RARB: variants seen among roughly 807,000 people sequenced by gnomAD.
RARB encodes the protein HBV-activated protein.
Under a neutral mutation model 51.9 loss-of-function variants are expected in RARB, and 17 were observed. That is an observed-to-expected ratio of 0.33 (90% CI 0.22 to 0.49). The LOEUF is 0.49. Ranked by LOEUF, RARB falls within the 20% of genes least tolerant of loss-of-function variation. The pLI is 0.99. For missense variants in RARB, 369 were observed against 550.8 expected (o/e 0.67, Z 3.30); for synonymous variants, 215 against 195.4 (o/e 1.10, Z -0.84).
At chr3:25,040,138 G>GA (rs1559444134) in intron 2 of RARB, among the ~76,000 whole-genome samples, 1 of 152,154 alleles carries the variant, frequency 6.6e-6, no homozygotes, top group Non-Finnish European at 1.5e-5. Flanking sequence ...TGGGAGCAGT[G>GA]AAAAAAATTC....
At chr3:25,027,177 G>T (rs1697767001) in intron 2 of RARB, among the ~76,000 whole-genome samples, 2 of 152,170 alleles carry the variant, frequency 1.3e-5, no homozygotes, top group African/African-American at 4.8e-5. Context: ...TATATTGGCT[G>T]TAATAAGTGA....
At chr3:25,334,460 A>G (rs941335655) in intron 5 of RARB, among the ~76,000 whole-genome samples, 1 of 152,114 alleles carries the variant, frequency 6.6e-6, no homozygotes, top group Non-Finnish European at 1.5e-5. Context: ...GTTCTCACTC[A>G]TAGGTGGGAA....
chr3:25,372,639 A>C (rs1706334585), intron 5 of RARB, among the ~76,000 whole-genome samples: 1 of 152,180 alleles, frequency 6.6e-6, no homozygotes, highest in South Asian at 2.1e-4. Context: ...CTAGGCAAAC[A>C]TAATGAGACC....
rs548764652 is a variant in RARB, at chr3:24,973,067, A to G, written c.-379-87058A>G. ...AGCTTTGCCCAGACCAACGTCCTGAAGCATTTCCCCAAAAGTTTCTTCTAG... is the reference window on the plus strand; with the variant it reads ...AGCTTTGCCCAGACCAACGTCCTGAGGCATTTCCCCAAAAGTTTCTTCTAG... On this transcript the variant is annotated intron_variant, in intron 2 of 11. Transcript: ENST00000383772. Among the ~76,000 whole-genome samples, 24 of 152,190 alleles carry G rather than the reference A, an allele frequency of 1.6e-4. No homozygotes were observed. In the South Asian group the frequency reaches 4.6e-3, roughly 29 times the overall value.
At chr3:25,442,694 T>C (rs796747500) in intron 1 of RARB, among the ~76,000 whole-genome samples, 2 of 152,304 alleles carry the variant, frequency 1.3e-5, no homozygotes, top group South Asian at 4.2e-4. Flanking sequence ...TTTCAGTCAT[T>C]GTTTAACTCC....
In RARB at chr3:25,056,600, T is replaced by C. The variant is rs1603975; in HGVS notation, c.-379-3525T>C. On this transcript the variant is annotated intron_variant, in intron 2 of 11. Transcript: ENST00000383772. ...CTCTGTCCCAGAGCAATAGATCCTC[T>C]TAGTAGCAGTTTCATTATAATGAAT... Among the ~76,000 whole-genome samples the C allele has an allele frequency of 3.4e-3, 511 of 152,218 alleles. 9 individuals are homozygous for C. In the East Asian group the frequency reaches 0.044, roughly 13 times the overall value.
At chr3:25,378,304 G>A (rs1033218548) in intron 5 of RARB, among the ~76,000 whole-genome samples, 1 of 152,180 alleles carries the variant, frequency 6.6e-6, no homozygotes. Flanking sequence ...TGGCTCTACA[G>A]TCACCAGCAG....
chr3:25,231,990 T>G (rs1702188644), intron 5 of RARB, among the ~76,000 whole-genome samples: 1 of 151,906 alleles, frequency 6.6e-6, no homozygotes, highest in Non-Finnish European at 1.5e-5. Context: ...AAAGTTTATA[T>G]TTCATTTAAA....
rs939501737 is a variant in RARB at position 25,123,942 on chromosome 3, G to T, written c.-327-8219G>T. Reference sequence around the variant, plus strand: ...ATATCTTATTGGCCAAAGTATCTCAGTCCTGAACCAGTCTGTGTCAAAGAT... The same window carrying T: ...ATATCTTATTGGCCAAAGTATCTCATTCCTGAACCAGTCTGTGTCAAAGAT... On this transcript the variant is annotated intron_variant, in intron 3 of 11. Transcript: ENST00000383772. Among the ~76,000 whole-genome samples, 9 of 152,132 alleles carry T rather than the reference G, an allele frequency of 5.9e-5. No individual in the cohort carries two copies. In the South Asian group the frequency reaches 1.7e-3, roughly 28 times the overall value.
In RARB at chr3:25,034,857, A is replaced by T. The variant is rs374741426; in HGVS notation, c.-379-25268A>T. 3.8e-4 allele frequency among the ~76,000 whole-genome samples: 58 copies of T among 152,318 alleles called. 1 individual carries two copies. The South Asian group carries it at 0.012, about 30-fold the overall frequency. On this transcript the variant is annotated intron_variant, in intron 2 of 11. Coordinates refer to the RARB transcript ENST00000383772. The stretch of plus-strand genomic sequence containing the variant: ...TTGGAAATTCAGAAGACCTGGAAAC[A>T]TTGGAGTGCCATTTCCATGTGGCAA...
chr3:25,154,632 G>A (rs1259999348), intron 4 of RARB, among the ~76,000 whole-genome samples: 1 of 152,212 alleles, frequency 6.6e-6, no homozygotes, highest in African/African-American at 2.4e-5. Context: ...GTACATGCAG[G>A]AGAAAAGTCC....
At chr3:25,013,995 T>C (rs1218781939) in intron 2 of RARB, among the ~76,000 whole-genome samples, 1 of 152,112 alleles carries the variant, frequency 6.6e-6, no homozygotes, top group Non-Finnish European at 1.5e-5. Context: ...TCTACCCTTC[T>C]CCCTCTCTCA....
chr3:25,496,053 G>A (rs570031283), intron 2 of RARB, among the ~76,000 whole-genome samples: 16 of 152,160 alleles, frequency 1.1e-4, no homozygotes, highest in Non-Finnish European at 1.9e-4. Context: ...GTTTAATTGC[G>A]TAAATACAAA....
intron 2 of RARB, among the ~76,000 whole-genome samples, chr3:25,057,367 G>A (rs978526388): frequency 6.6e-6 from 1 of 152,054 alleles, no homozygotes; most frequent in African/African-American, 2.4e-5. Context: ...GAGAATAAGA[G>A]TTGGGTTTCA....
intron 5 of RARB, chr3:25,259,133 A>G (rs1702937398): frequency 1.1e-6 from 1 of 925,932 alleles, no homozygotes; most frequent in Admixed American, 6.2e-5. Flanking sequence ...ACCTCTCAAG[A>G]AACACTATTT....
chr3:25,253,431 T>C (rs897047267), intron 5 of RARB, among the ~76,000 whole-genome samples: 2 of 152,150 alleles, frequency 1.3e-5, no homozygotes, highest in Admixed American at 6.5e-5. Context: ...GCCCACCCAA[T>C]TACCCTGAAG....
chr3:25,320,005 G>C (rs1411009246), intron 5 of RARB, among the ~76,000 whole-genome samples: 2 of 148,216 alleles, frequency 1.3e-5, no homozygotes, highest in Admixed American at 6.8e-5. Flanking sequence ...TCTCTGTAAT[G>C]AACTAAAAAA....
chr3:25,413,932 A>G (rs1051967277), intron 5 of RARB, among the ~76,000 whole-genome samples: 1 of 152,198 alleles, frequency 6.6e-6, no homozygotes, highest in African/African-American at 2.4e-5. Context: ...GCACATTCTT[A>G]AAGTGTAAAA....
chr3:25,574,893 G>A lies in RARB; in HGVS notation c.609+4975G>A, dbSNP rs572017563. 9.2e-5 allele frequency among the ~76,000 whole-genome samples: 14 copies of A among 152,248 alleles called. No individual in the cohort carries two copies. In the East Asian group the frequency reaches 9.7e-4, roughly 11 times the overall value. ...CGGGCTGCCAGGAGAGATGCATCAG[G>A]AGGGATAGAAGGTCAGTGGGGGCCA... On this transcript the variant is annotated intron_variant, in intron 4 of 7. Coordinates refer to ENST00000330688, the MANE Select transcript of RARB (RefSeq NM_000965.5).
Sources: allele counts gnomAD v4.1 joint callset (sites outside exome capture counted in the v4.1 genomes callset), GRCh38; gene constraint gnomAD v4.1.1; transcripts MANE v1.5; gene names NCBI Gene and HGNC (gene_info 2026-07-23, HGNC 2026-07-21).